The following MCM3AP variants were observed in gnomAD, a reference collection of about 807,000 sequenced individuals.
MCM3AP encodes the protein minichromosome maintenance complex component 3 associated protein.
MCM3AP carries 126 observed loss-of-function variants against 184.1 expected under a neutral mutation model. The observed-to-expected ratio is 0.68, with a 90% CI of 0.59 to 0.79. The LOEUF (loss-of-function observed/expected upper bound fraction) is 0.79. Ranked by LOEUF, MCM3AP falls within the 30% of genes least tolerant of loss-of-function variation. The probability of loss-of-function intolerance (pLI) is 0.00; values close to 1 mark genes in which losing one functional copy is unlikely to be tolerated. For synonymous variants in MCM3AP, 1,002 were observed against 979.3 expected (o/e 1.02, Z -0.43); for missense variants, 2,496 against 2,479.2 (o/e 1.01, Z -0.14).
intron 19 of MCM3AP, 138 bp from the exon 20 acceptor site, chr21:46,251,820 T>C: frequency 3.7e-6 from 2 of 544,626 alleles, no homozygotes; most frequent in Non-Finnish European, 6.6e-6. Context: ...CATCTTACTA[T>C]GAAGCTGATC....
chr21:46,263,009 A>G (rs1159471697), intron 13 of MCM3AP, among the ~76,000 whole-genome samples: 1 of 148,446 alleles, frequency 6.7e-6, no homozygotes, highest in Non-Finnish European at 1.5e-5. Context: ...ACTACAGACC[A>G]ATATCCCTCA....
At chr21:46,249,106 A>C (rs150714893) in intron 20 of MCM3AP, among the ~76,000 whole-genome samples, 19 of 152,348 alleles carry the variant, frequency 1.2e-4, no homozygotes, top group Non-Finnish European at 2.4e-4. Flanking sequence ...AGGCTTCCAC[A>C]GAGAAAACCA....
chr21:46,241,111 A>C (rs929709911), intron 25 of MCM3AP, 94 bp from the exon 26 acceptor site: 28 of 865,128 alleles, frequency 3.2e-5, no homozygotes, highest in Non-Finnish European at 5.3e-5. Context: ...ATGTGCATTA[A>C]CATGTAAGAA....
chr21:46,268,334 A>G (rs1034209562), intron 9 of MCM3AP, among the ~76,000 whole-genome samples: 4 of 152,240 alleles, frequency 2.6e-5, no homozygotes, highest in African/African-American at 9.6e-5. Flanking sequence ...AATTCAACCA[A>G]CACTGATCAA....
intron 6 of MCM3AP, among the ~76,000 whole-genome samples, chr21:46,274,004 G>C (rs1331646988): frequency 6.6e-6 from 1 of 152,232 alleles, no homozygotes; most frequent in East Asian, 1.9e-4. Flanking sequence ...TCAGGGGCTG[G>C]CTGCCCACCT....
chr21:46,255,709 C>A (rs1370989942), intron 17 of MCM3AP, among the ~76,000 whole-genome samples: 1 of 151,764 alleles, frequency 6.6e-6, no homozygotes, highest in Non-Finnish European at 1.5e-5. Context: ...ATGATGGGGG[C>A]TGTCAGTGAC....
At chr21:46,251,875 CTCGT>C in intron 19 of MCM3AP, 193 bp from the exon 20 acceptor site, 1 of 272,044 alleles carries the variant, frequency 3.7e-6, no homozygotes, top group Non-Finnish European at 6.8e-6. Context: ...ACGATCTGTA[CTCGT>C]TCTTTTTTTT....
intron 15 of MCM3AP, 58 bp downstream of exon 15, chr21:46,260,735 C>G: frequency 2.4e-6 from 3 of 1,239,972 alleles, no homozygotes; most frequent in Non-Finnish European, 3.6e-6. Context: ...AAGACACAGC[C>G]TAGGGCAGAG....
At chr21:46,261,134 G>T in intron 14 of MCM3AP, 146 bp downstream of exon 14, 1 of 1,082,506 alleles carries the variant, frequency 9.2e-7, no homozygotes, top group Non-Finnish European at 1.4e-6. Flanking sequence ...CCACCCCCTG[G>T]GCTGAAGCAT....
At chr21:46,259,319 G>T in intron 15 of MCM3AP, 1 of 332,920 alleles carries the variant, frequency 3.0e-6, no homozygotes, top group Non-Finnish European at 5.5e-6. Flanking sequence ...AGCCTGGTGT[G>T]GTGGCGGGCG....
rs140449095 is a variant in MCM3AP, at chr21:46,246,610, G to A, written c.4549+18C>T. The A allele has an allele frequency of 1.7e-5, 27 of 1,605,658 alleles. No homozygotes were observed. Among genetic ancestry groups the A allele is most frequent in the African/African-American group, 2.7e-5 (2 of 74,848 alleles). On this transcript the variant is annotated intron_variant, in intron 21 of 27. Transcript: ENST00000291688. ...TATTAAACAATGCTGCTTCATAAAC[G>A]AGACTTCCTTCACAAACCATCTTCT...
At chr21:46,281,571 T>C (rs13046834) in intron 2 of MCM3AP, among the ~76,000 whole-genome samples, 63,074 of 151,974 alleles carry the variant, frequency 0.42, 13,560 homozygotes, top group Admixed American at 0.48. Context: ...CCCGTTATCC[T>C]AGCACTTTGG....
In MCM3AP at chr21:46,272,742, T is replaced by G. The variant is rs761026666; in HGVS notation, c.2284A>C (p.Met762Leu). 4 of 1,614,094 alleles carry G rather than the reference T, an allele frequency of 2.5e-6. No homozygotes were observed. The highest frequency in any genetic ancestry group is 3.4e-6 in the Non-Finnish European group (4 of 1,180,002). Residue 762 changes from methionine to leucine, a missense_variant, in exon 8 of 28, where the codon ATG becomes CTG. Around this residue, in one of 5 missense-constraint regions of MCM3AP, gnomAD observed 105 missense variants for 97.1 expected, o/e 1.08. Transcript: ENST00000291688. ...TRFHIHCAHF[M>L]CEEPMSSFDA... ...AAGGAGGACATGGGCTCCTCACACA[T>G]GAAGTGGGCACAGTGGATGTGAAAC...
At chr21:46,241,198 CAG>C (rs2080658652) in intron 25 of MCM3AP, 181 bp from the exon 26 acceptor site, 9 of 602,094 alleles carry the variant, frequency 1.5e-5, no homozygotes, top group Middle Eastern at 8.9e-4. Context: ...TCCATCAAGT[CAG>C]GGAGTGGAGC....
chr21:46,271,414 G>A (rs2145692335), intron 8 of MCM3AP, among the ~76,000 whole-genome samples: 1 of 150,096 alleles, frequency 6.7e-6, no homozygotes, highest in African/African-American at 2.5e-5. Flanking sequence ...CTGCAGCCTT[G>A]ACCTCCTGGG....
intron 24 of MCM3AP, 29 bp from the exon 25 acceptor site, chr21:46,242,960 G>T: frequency 6.6e-7 from 1 of 1,524,998 alleles, no homozygotes; most frequent in Non-Finnish European, 8.8e-7. Context: ...AACAGATAAA[G>T]AGGCCAGCCT....
rs368489137 is a variant in MCM3AP, at chr21:46,270,360, C to T, written c.2628+41G>A. The T allele has an allele frequency of 3.8e-6, 6 of 1,572,318 alleles. No homozygotes were observed. The African/African-American group carries it at 8.2e-5, about 21-fold the overall frequency. Reference sequence around the variant, plus strand: ...AGCACCCAAACAGCACAAGAACCACCTGCTTTCTTCCAACTCTGCAAGCAC... The same window carrying T: ...AGCACCCAAACAGCACAAGAACCACTTGCTTTCTTCCAACTCTGCAAGCAC... On this transcript the variant is annotated intron_variant, in intron 9 of 27. Transcript: ENST00000291688.
At position 46,251,925 on chromosome 21, in the gene MCM3AP, G is replaced by A. The variant is rs1251299334; in HGVS notation, c.4137-243C>T. On this transcript the variant is annotated intron_variant, in intron 19 of 27. Transcript: ENST00000291688. The stretch of plus-strand genomic sequence containing the variant: ...TTTTGAGCCAGGGTCTCGCTCTGTC[G>A]CCCAAGCTAGAGTGCAATGGCACAA... 31 of 277,704 alleles carry A rather than the reference G, an allele frequency of 1.1e-4. No homozygotes were observed. In the Admixed American group the frequency reaches 1.2e-3, roughly 10 times the overall value. The allele number at this position is 277,704 out of a possible 1,614,324, so 17.2% of individuals were successfully genotyped here. A position where few individuals can be genotyped will look rare whatever the true frequency, so the allele number is the denominator to read the frequency against.
In MCM3AP at chr21:46,280,154, C is replaced by G; in HGVS notation, c.1523-17G>C. ...TATTGGGGCCTGTGGACATAGGAGG[C>G]AGAAAAGAGTTTATGCAATCACAGA... is the stretch of plus-strand genomic sequence containing the variant. On this transcript the variant is annotated splice_polypyrimidine_tract_variant and intron_variant, in intron 3 of 27. Transcript: ENST00000291688. 1 of 1,613,272 alleles carries G rather than the reference C, an allele frequency of 6.2e-7. No homozygotes were observed. Among genetic ancestry groups the G allele is most frequent in the Non-Finnish European group, 8.5e-7 (1 of 1,179,642 alleles).
Sources: gnomAD v4.1 joint callset for allele counts (sites outside exome capture counted in the v4.1 genomes callset) on GRCh38, gnomAD v4.1.1 for gene constraint, gnomAD v4.1.1 regional missense constraint, MANE v1.5 for transcripts, NCBI Gene and HGNC (gene_info 2026-07-23, HGNC 2026-07-21) for gene names.